EPHA5: variants seen among roughly 807,000 people sequenced by gnomAD.
EPHA5 encodes EPH receptor A5.
In EPHA5, 60 loss-of-function variants were observed where a neutral mutation model predicts 105.0. The ratio of observed to expected loss-of-function variants is 0.57; its 90% CI spans 0.46 to 0.71. EPHA5 has a LOEUF of 0.71. EPHA5 is among the 30% of genes least tolerant of loss of function. EPHA5 has a pLI of 0.00. For missense variants in EPHA5, 1,218 were observed against 1,274.7 expected (o/e 0.96, Z 0.68); for synonymous variants, 513 against 449.1 (o/e 1.14, Z -1.80).
rs537215822 is a variant in EPHA5 at position 65,528,407 on chromosome 4, A to G, written c.911-32864T>C. Among the ~76,000 whole-genome samples the G allele has an allele frequency of 3.6e-5, 5 of 140,220 alleles. No homozygotes were observed. The East Asian group carries it at 8.2e-4, about 23-fold the overall frequency. The allele number at this position is 140,220 out of a possible 152,430, so 92.0% of individuals were successfully genotyped here. A position where few individuals can be genotyped will look rare whatever the true frequency, so the allele number is the denominator to read the frequency against. On this transcript the variant is annotated intron_variant, in intron 3 of 16. Transcript: ENST00000613740. ...GTTTCCACTGAAGTACATTTTGTGCACTCAAGAAATATATTTAATTCGCTT... is the reference window on the plus strand; with the variant it reads ...GTTTCCACTGAAGTACATTTTGTGCGCTCAAGAAATATATTTAATTCGCTT...
At chr4:65,365,260 A>G in intron 10 of EPHA5, 58 bp from the exon 11 acceptor site, 1 of 1,399,804 alleles carries the variant, frequency 7.1e-7, no homozygotes, top group East Asian at 2.3e-5. Context: ...GTCTATTAAC[A>G]CTTGTATGCC....
intron 5 of EPHA5, among the ~76,000 whole-genome samples, chr4:65,453,220 G>A (rs1427610032): frequency 6.6e-6 from 1 of 152,120 alleles, no homozygotes; most frequent in Non-Finnish European, 1.5e-5. Flanking sequence ...TTGTTTATGT[G>A]TAGAAATTAT....
At chr4:65,554,212 T>A (rs35117425) in intron 3 of EPHA5, among the ~76,000 whole-genome samples, 35,627 of 149,268 alleles carry the variant, frequency 0.24, 4,370 homozygotes, top group Admixed American at 0.27. Flanking sequence ...CATTTTCACT[T>A]GAAAGCTTAT....
chr4:65,485,732 C>T (rs535888493), intron 5 of EPHA5, among the ~76,000 whole-genome samples: 4 of 152,096 alleles, frequency 2.6e-5, no homozygotes, highest in Non-Finnish European at 2.9e-5. Flanking sequence ...TGTTGTCACA[C>T]GCACAGAAAT....
intron 3 of EPHA5, among the ~76,000 whole-genome samples, chr4:65,572,929 A>G (rs1449204043): frequency 2.0e-5 from 3 of 151,784 alleles, no homozygotes; most frequent in Non-Finnish European, 4.4e-5. Context: ...TACTCAGGAG[A>G]CTTAGGCAAG....
chr4:65,402,375 G>A lies in EPHA5; in HGVS notation c.1793+1999C>T, dbSNP rs10007340. 8.7e-3 allele frequency among the ~76,000 whole-genome samples: 1,321 copies of A among 152,114 alleles called. 21 individuals carry two copies. The highest frequency in any genetic ancestry group is 0.029 in the African/African-American group (1,223 of 41,518). On this transcript the variant is annotated intron_variant, in intron 8 of 16. Coordinates refer to ENST00000613740, the MANE Select transcript of EPHA5 (RefSeq NM_001281766.3). ...ATGCACTAAAATGATACTATCCTTC[G>A]GTTACCAAATAGTAAGTAGATTGAA...
chr4:65,553,351 A>C (rs1253754753), intron 3 of EPHA5, among the ~76,000 whole-genome samples: 1 of 152,082 alleles, frequency 6.6e-6, no homozygotes, highest in Non-Finnish European at 1.5e-5. Flanking sequence ...TGGAAGAAGA[A>C]TGATACCTTG....
At chr4:65,586,484 G>A (rs1390907633) in intron 3 of EPHA5, among the ~76,000 whole-genome samples, 1 of 151,652 alleles carries the variant, frequency 6.6e-6, no homozygotes, top group East Asian at 1.9e-4. Flanking sequence ...TTCAAAACAG[G>A]TAGCAGTTAC....
intron 2 of EPHA5, among the ~76,000 whole-genome samples, chr4:65,605,791 C>T (rs1158362418): frequency 6.6e-6 from 1 of 152,066 alleles, no homozygotes; most frequent in Non-Finnish European, 1.5e-5. Flanking sequence ...AGTCCCAGCT[C>T]TTATAATATC....
At chr4:65,543,857 T>C (rs552250938) in intron 3 of EPHA5, among the ~76,000 whole-genome samples, 1 of 152,190 alleles carries the variant, frequency 6.6e-6, no homozygotes, top group Non-Finnish European at 1.5e-5. Context: ...AACAGCATGG[T>C]ACTGGTACCA....
At chr4:65,437,472 A>G (rs1725586738) in intron 5 of EPHA5, among the ~76,000 whole-genome samples, 1 of 152,082 alleles carries the variant, frequency 6.6e-6, no homozygotes, top group African/African-American at 2.4e-5. Context: ...TAGTAATAAA[A>G]GACTTTTCAC....
chr4:65,460,257 C>A (rs967756448), intron 5 of EPHA5, among the ~76,000 whole-genome samples: 8 of 151,374 alleles, frequency 5.3e-5, no homozygotes, highest in African/African-American at 1.9e-4. Flanking sequence ...TATATAGTCT[C>A]AAGTTTCAAA....
chr4:65,476,708 T>C (rs1729857698), intron 5 of EPHA5, among the ~76,000 whole-genome samples: 1 of 152,064 alleles, frequency 6.6e-6, no homozygotes, highest in South Asian at 2.1e-4. Context: ...GGAGCAATAA[T>C]TAATTAACTA....
intron 5 of EPHA5, among the ~76,000 whole-genome samples, chr4:65,441,742 A>T (rs1326227892): frequency 2.6e-5 from 4 of 152,156 alleles, no homozygotes; most frequent in Non-Finnish European, 4.4e-5. Flanking sequence ...TTAATAAAAA[A>T]ATGGTTTGGA....
At chr4:65,487,077 G>A (rs1247694873) in intron 5 of EPHA5, among the ~76,000 whole-genome samples, 1 of 152,136 alleles carries the variant, frequency 6.6e-6, no homozygotes, top group Non-Finnish European at 1.5e-5. Context: ...GCCTCCTGGG[G>A]CCTCACAAGA....
chr4:65,442,834 C>T (rs1313152057), intron 5 of EPHA5, among the ~76,000 whole-genome samples: 2 of 151,990 alleles, frequency 1.3e-5, no homozygotes, highest in East Asian at 3.9e-4. Context: ...GACAGTGCCC[C>T]ATAAGGTGAG....
intron 5 of EPHA5, among the ~76,000 whole-genome samples, chr4:65,446,991 T>G (rs973796134): frequency 1.3e-5 from 2 of 149,536 alleles, no homozygotes; most frequent in African/African-American, 4.9e-5. Context: ...TTTTTTTTTT[T>G]TTTTTTGTTC....
At chr4:65,491,460 G>T (rs971034960) in intron 4 of EPHA5, among the ~76,000 whole-genome samples, 1 of 151,956 alleles carries the variant, frequency 6.6e-6, no homozygotes. Context: ...TTCAGATTTT[G>T]AAGGATCAAT....
intron 1 of EPHA5, among the ~76,000 whole-genome samples, chr4:65,667,300 G>T (rs1160754191): frequency 6.6e-6 from 1 of 152,136 alleles, no homozygotes; most frequent in Non-Finnish European, 1.5e-5. Flanking sequence ...TAAAGATCTA[G>T]GATACTAGGT....
Sources: allele counts gnomAD v4.1 joint callset (sites outside exome capture counted in the v4.1 genomes callset), GRCh38; gene constraint gnomAD v4.1.1; transcripts MANE v1.5; gene names NCBI Gene and HGNC (gene_info 2026-07-23, HGNC 2026-07-21).